Variants in XYLT1 observed in about 807,000 individuals in gnomAD.
XYLT1 encodes xylosyltransferase 1.
In XYLT1, 36 loss-of-function variants were observed where a neutral mutation model predicts 91.3. The observed-to-expected ratio is 0.39, with a 90% CI of 0.30 to 0.52. The LOEUF (loss-of-function observed/expected upper bound fraction) is 0.52. XYLT1 is among the 20% of genes least tolerant of loss of function. The pLI is 0.68. For synonymous variants in XYLT1, 588 were observed against 532.0 expected (o/e 1.11, Z -1.45); for missense variants, 1,242 against 1,284.5 (o/e 0.97, Z 0.51).
At chr16:17,242,921 C>T (rs565234070) in intron 3 of XYLT1, among the ~76,000 whole-genome samples, 1 of 152,332 alleles carries the variant, frequency 6.6e-6, no homozygotes, top group East Asian at 1.9e-4. Flanking sequence ...CCAGGTGCAT[C>T]CATGTTGCAG....
At chr16:17,237,850 G>A (rs1221661906) in intron 3 of XYLT1, among the ~76,000 whole-genome samples, 3 of 151,372 alleles carry the variant, frequency 2.0e-5, no homozygotes, top group African/African-American at 7.3e-5. Context: ...TCAGTAGCAG[G>A]CTGGTAAGTG....
At chr16:17,315,423 C>A (rs1567370580) in intron 2 of XYLT1, among the ~76,000 whole-genome samples, 1 of 152,196 alleles carries the variant, frequency 6.6e-6, no homozygotes, top group African/African-American at 2.4e-5. Context: ...TTCCCAAACC[C>A]CTATCACAAG....
chr16:17,239,005 G>C (rs1013970945), intron 3 of XYLT1, among the ~76,000 whole-genome samples: 5 of 152,186 alleles, frequency 3.3e-5, no homozygotes, highest in African/African-American at 4.8e-5. Flanking sequence ...GAACAATCCA[G>C]GTGTCTTCTT....
chr16:17,376,926 C>A (rs1419345725), intron 1 of XYLT1, among the ~76,000 whole-genome samples: 1 of 151,574 alleles, frequency 6.6e-6, no homozygotes, highest in African/African-American at 2.4e-5. Flanking sequence ...CCTGTAATCC[C>A]AGCACTGTGG....
intron 1 of XYLT1, among the ~76,000 whole-genome samples, chr16:17,414,170 C>G (rs1311994796): frequency 6.6e-6 from 1 of 152,206 alleles, no homozygotes; most frequent in Non-Finnish European, 1.5e-5. Context: ...TCTAGGGAAA[C>G]TGAGTCACAC....
chr16:17,402,232 G>C (rs140378567), intron 1 of XYLT1, among the ~76,000 whole-genome samples: 2 of 151,912 alleles, frequency 1.3e-5, no homozygotes, highest in African/African-American at 4.8e-5. Context: ...AGGCACAAGG[G>C]TCCCTTGAGC....
At chr16:17,376,839 A>C (rs2035608338) in intron 1 of XYLT1, among the ~76,000 whole-genome samples, 2 of 145,980 alleles carry the variant, frequency 1.4e-5, no homozygotes, top group Non-Finnish European at 3.1e-5. Context: ...AAAAAAAAAA[A>C]AAAAAAAAAA....
chr16:17,466,390 C>T (rs536731152), intron 1 of XYLT1, among the ~76,000 whole-genome samples: 1 of 152,242 alleles, frequency 6.6e-6, no homozygotes, highest in Non-Finnish European at 1.5e-5. Context: ...GGGGGGCAGA[C>T]TCTTATGTCA....
At chr16:17,398,577 C>A (rs1214138848) in intron 1 of XYLT1, among the ~76,000 whole-genome samples, 1 of 152,110 alleles carries the variant, frequency 6.6e-6, no homozygotes, top group Non-Finnish European at 1.5e-5. Context: ...CACTAAATGG[C>A]TTAAACAATC....
At chr16:17,462,285 G>A (rs900107206) in intron 1 of XYLT1, among the ~76,000 whole-genome samples, 7 of 151,956 alleles carry the variant, frequency 4.6e-5, no homozygotes, top group African/African-American at 1.5e-4. Context: ...AGACACCCTC[G>A]TCCACACACA....
intron 3 of XYLT1, among the ~76,000 whole-genome samples, chr16:17,208,647 A>G (rs975552560): frequency 6.6e-6 from 1 of 152,206 alleles, no homozygotes; most frequent in Non-Finnish European, 1.5e-5. Context: ...TGTGCCCAAA[A>G]TGTTCTGGAT....
At chr16:17,342,879 A>G (rs1433549288) in intron 2 of XYLT1, among the ~76,000 whole-genome samples, 2 of 152,250 alleles carry the variant, frequency 1.3e-5, no homozygotes, top group Non-Finnish European at 2.9e-5. Context: ...ACACTGATCA[A>G]TATTATCACA....
At chr16:17,161,677 G>GCGCT (rs1555484022) in intron 5 of XYLT1, among the ~76,000 whole-genome samples, 33 of 148,896 alleles carry the variant, frequency 2.2e-4, no homozygotes, top group Non-Finnish European at 3.7e-4. Flanking sequence ...TTTCTCGCGC[G>GCGCT]CTCTCTCTCT....
chr16:17,146,902 GCTCTTT>G (rs2031147932), intron 6 of XYLT1, among the ~76,000 whole-genome samples: 1 of 152,164 alleles, frequency 6.6e-6, no homozygotes, highest in East Asian at 1.9e-4. Context: ...CACGGGTCTT[GCTCTTT>G]CTCTAACACA....
chr16:17,127,733 AC>A lies in XYLT1; in HGVS notation c.2155del (p.Val719Ter), dbSNP rs1207424620. The A allele has an allele frequency of 6.2e-7, 1 of 1,614,146 alleles. No homozygotes were observed. Among genetic ancestry groups the A allele is most frequent in the Non-Finnish European group, 8.5e-7 (1 of 1,180,022 alleles). On this transcript the variant is annotated frameshift_variant, in exon 10 of 12. Coordinates refer to ENST00000261381, the MANE Select transcript of XYLT1 (RefSeq NM_022166.4). LOFTEE classifies it high-confidence loss of function. ...GATCTTGAAGACTTTTTTCGGCATC[AC>A]CCAGGTCTCCAGAGTCTCTAGTTTG... ...VSKLETLETW[V>X]MPKKVFKIAS...
chr16:17,324,523 G>T (rs888414753), intron 2 of XYLT1, among the ~76,000 whole-genome samples: 1 of 152,202 alleles, frequency 6.6e-6, no homozygotes, highest in South Asian at 2.1e-4. Context: ...AAAAATAAAA[G>T]ATTGACTTGC....
intron 3 of XYLT1, among the ~76,000 whole-genome samples, chr16:17,232,755 G>A (rs1038110332): frequency 1.3e-5 from 2 of 151,912 alleles, no homozygotes; most frequent in Non-Finnish European, 2.9e-5. Flanking sequence ...TGGCAATGGT[G>A]GTAGTGATGA....
At chr16:17,142,663 G>C (rs8050645) in intron 6 of XYLT1, among the ~76,000 whole-genome samples, 55,568 of 148,480 alleles carry the variant, frequency 0.37, 11,032 homozygotes, top group East Asian at 0.77. Context: ...GGCTGGCCTT[G>C]AACTCCTGAC....
At position 17,450,171 on chromosome 16, in the gene XYLT1, C is replaced by T. The variant is rs182939793; in HGVS notation, c.363+20263G>A. Among the ~76,000 whole-genome samples, 631 of 152,166 alleles carry T rather than the reference C, an allele frequency of 4.1e-3. 9 individuals are homozygous for T. Among genetic ancestry groups the T allele is most frequent in the African/African-American group, 0.015 (604 of 41,510 alleles). On this transcript the variant is annotated intron_variant, in intron 1 of 11. Transcript: ENST00000261381. The stretch of plus-strand genomic sequence containing the variant: ...TGGCCAACATGGTGAAACCCCACCT[C>T]TACTAAAAATACAAAAATTAGCCAG...
Sources: gnomAD v4.1 joint callset for allele counts (sites outside exome capture counted in the v4.1 genomes callset) on GRCh38, gnomAD v4.1.1 for gene constraint, MANE v1.5 for transcripts, NCBI Gene and HGNC (gene_info 2026-07-23, HGNC 2026-07-21) for gene names.